RMND5A: variants seen among roughly 807,000 people sequenced by gnomAD.
The protein encoded by RMND5A is E3 ubiquitin-protein transferase RMND5A.
Under a neutral mutation model 49.7 loss-of-function variants are expected in RMND5A, and 17 were observed. The observed-to-expected ratio is 0.34, with a 90% CI of 0.23 to 0.51. The LOEUF is 0.51. RMND5A is among the 20% of genes least tolerant of loss of function. The pLI, the probability that RMND5A is intolerant of heterozygous loss-of-function variation, is 0.96. For missense variants in RMND5A, 255 were observed against 471.3 expected (o/e 0.54, Z 4.25); for synonymous variants, 156 against 167.7 (o/e 0.93, Z 0.54).
chr2:86,721,112 G>A (rs1424904700), intron 1 of RMND5A: 3 of 286,408 alleles, frequency 1.0e-5, no homozygotes, highest in Non-Finnish European at 2.0e-5. Context: ...GCAAACTGCC[G>A]ACCCCCGAGT....
intron 2 of RMND5A, among the ~76,000 whole-genome samples, chr2:86,746,471 A>G (rs1474331034): frequency 6.6e-6 from 1 of 152,176 alleles, no homozygotes. Flanking sequence ...TACATTATTT[A>G]CCTTTATCTT....
At chr2:86,744,119 C>T (rs552868589) in intron 2 of RMND5A, among the ~76,000 whole-genome samples, 2 of 152,260 alleles carry the variant, frequency 1.3e-5, no homozygotes, top group South Asian at 2.1e-4. Flanking sequence ...TACACACTCT[C>T]CCCGTATTTT....
chr2:86,737,591 A>G (rs1399277169), intron 1 of RMND5A, among the ~76,000 whole-genome samples: 2 of 118,580 alleles, frequency 1.7e-5, no homozygotes, highest in Admixed American at 8.4e-5. Flanking sequence ...ATATATATAT[A>G]TATGTCAGTG....
At position 86,770,144 on chromosome 2, in the gene RMND5A, T is replaced by C. The variant is rs1157149973; in HGVS notation, c.957+19T>C. ...ATTACCTGTGAGTTCCATTTTCTAT[T>C]GGCTATTTACTTTTACTGCCATTAG... On this transcript the variant is annotated intron_variant, in intron 7 of 8. Transcript: ENST00000283632. 2 of 1,526,904 alleles carry C rather than the reference T, an allele frequency of 1.3e-6. No homozygotes were observed. The highest frequency in any genetic ancestry group is 1.8e-6 in the Non-Finnish European group (2 of 1,100,484). The allele number at this position is 1,526,904 out of a possible 1,614,324, so 94.6% of individuals were successfully genotyped here. A position where few individuals can be genotyped will look rare whatever the true frequency, so the allele number is the denominator to read the frequency against.
rs570579562 is a variant in RMND5A at position 86,768,256 on chromosome 2, A to G, written c.855-1767A>G. On this transcript the variant is annotated intron_variant, in intron 6 of 8. Coordinates refer to ENST00000283632, the MANE Select transcript of RMND5A (RefSeq NM_022780.4). ...ACATTTTAAGAAACTGTTGTAAGAA[A>G]ATAACTCTTTTTTAGCTCTTCTATT... is the stretch of plus-strand genomic sequence containing the variant. 7.9e-5 allele frequency among the ~76,000 whole-genome samples: 12 copies of G among 152,376 alleles called. No homozygotes were observed. The South Asian group carries it at 2.3e-3, about 29-fold the overall frequency.
chr2:86,729,123 C>G (rs1446234401), intron 1 of RMND5A, among the ~76,000 whole-genome samples: 1 of 152,206 alleles, frequency 6.6e-6, no homozygotes, highest in African/African-American at 2.4e-5. Context: ...TGTTAAATAC[C>G]ACTCTGTGTC....
At chr2:86,768,297 A>G (rs532959168) in intron 6 of RMND5A, among the ~76,000 whole-genome samples, 1 of 152,198 alleles carries the variant, frequency 6.6e-6, no homozygotes, top group Non-Finnish European at 1.5e-5. Flanking sequence ...AATTCCACAA[A>G]TGTTTTGCAT....
At chr2:86,766,361 C>A (rs1332927497) in intron 6 of RMND5A, among the ~76,000 whole-genome samples, 1 of 152,148 alleles carries the variant, frequency 6.6e-6, no homozygotes, top group Non-Finnish European at 1.5e-5. Context: ...TTCCTCACCA[C>A]CACACACTTG....
rs1681181935 is a variant in RMND5A, at chr2:86,720,578, A to G, written c.-90A>G. 1.7e-6 allele frequency: 2 copies of G among 1,172,294 alleles called. No homozygotes were observed. The highest frequency in any genetic ancestry group is 2.2e-6 in the Non-Finnish European group (2 of 929,172). 72.6% of individuals were successfully genotyped at this position (1,172,294 alleles called of 1,614,324 possible). A position where few individuals can be genotyped will look rare whatever the true frequency, so the allele number is the denominator to read the frequency against. ...AGCCTCCCGCGCCGCCCGCTTGGGG[A>G]ACGAGGAGCAGGACGCGGCCTCGGT... On this transcript the variant is annotated 5_prime_UTR_variant, in exon 1 of 9. Transcript: ENST00000283632.
intron 2 of RMND5A, among the ~76,000 whole-genome samples, chr2:86,746,318 G>T (rs1013921291): frequency 6.6e-6 from 1 of 152,118 alleles, no homozygotes; most frequent in Non-Finnish European, 1.5e-5. Flanking sequence ...TTCTAATAAG[G>T]ATTCTTTTAA....
rs1306505243 is a variant in RMND5A, at chr2:86,720,536, GCCGCCTCGGC to G, written c.-130_-121del. On this transcript the variant is annotated 5_prime_UTR_variant, in exon 1 of 9. Transcript: ENST00000283632. ...CCCCGGCGCCGCGGCTAGTGCGCCC[GCCGCCTCGGC>G]CGCCTCAGCCTCCCGCGCCGCCCGC... 1.7e-6 allele frequency: 1 copy of G among 589,802 alleles called. No homozygotes were observed. The highest frequency in any genetic ancestry group is 2.3e-6 in the Non-Finnish European group (1 of 426,082). The allele number at this position is 589,802 out of a possible 1,614,324, so 36.5% of individuals were successfully genotyped here.
Position 86,773,923 on chromosome 2 carries a change from A to C in RMND5A, c.*512A>C, listed in dbSNP as rs138266967. Reference sequence around the variant, plus strand: ...TGCATTTTTATTTGCTTAAGAAAGAAAGCTGTGATAGATTCCAGATATGCT... The same window carrying C: ...TGCATTTTTATTTGCTTAAGAAAGACAGCTGTGATAGATTCCAGATATGCT... On this transcript the variant is annotated 3_prime_UTR_variant, in exon 9 of 9. Coordinates refer to ENST00000283632, the MANE Select transcript of RMND5A (RefSeq NM_022780.4). 7.2e-5 allele frequency: 11 copies of C among 152,818 alleles called. No homozygotes were observed. The highest frequency in any genetic ancestry group is 2.4e-4 in the African/African-American group (10 of 41,588). 9.5% of individuals were successfully genotyped at this position (152,818 alleles called of 1,614,324 possible).
At position 86,751,885 on chromosome 2, in the gene RMND5A, C is replaced by A. The variant is rs753101180; in HGVS notation, c.286-11C>A. ...TCTATTTATGATTCCCTTTCTCTTT[C>A]TTTTCCCCAGAATTTTGATTCTGAC... is the stretch of plus-strand genomic sequence containing the variant. On this transcript the variant is annotated splice_polypyrimidine_tract_variant and intron_variant, in intron 2 of 8. Transcript: ENST00000283632. 5 of 1,608,212 alleles carry A rather than the reference C, an allele frequency of 3.1e-6. No individual in the cohort carries two copies. The highest frequency in any genetic ancestry group is 4.2e-6 in the Non-Finnish European group (5 of 1,176,664).
rs898367787 is a variant in RMND5A, at chr2:86,776,496, C to G, written c.*3085C>G. 47 of 152,198 alleles carry G rather than the reference C, an allele frequency of 3.1e-4. No individual in the cohort carries two copies. The highest frequency in any genetic ancestry group is 1.1e-3 in the African/African-American group (47 of 41,452). 9.4% of individuals were successfully genotyped at this position (152,198 alleles called of 1,614,324 possible). ...TGTGGGAAATGAGGATCCTGATCCTCTTTTGTCCTCTCCAGGTAGTCTCGC... is the reference window on the plus strand; with the variant it reads ...TGTGGGAAATGAGGATCCTGATCCTGTTTTGTCCTCTCCAGGTAGTCTCGC... On this transcript the variant is annotated 3_prime_UTR_variant, in exon 9 of 9. Transcript: ENST00000283632.
intron 2 of RMND5A, among the ~76,000 whole-genome samples, chr2:86,747,219 G>A (rs1038497984): frequency 2.6e-5 from 4 of 152,174 alleles, no homozygotes; most frequent in African/African-American, 4.8e-5. Context: ...AATCAGATGG[G>A]TGTGAAGTAG....
intron 2 of RMND5A, among the ~76,000 whole-genome samples, chr2:86,747,772 C>T (rs996836778): frequency 6.6e-6 from 1 of 152,122 alleles, no homozygotes; most frequent in Non-Finnish European, 1.5e-5. Context: ...ACAGTGAAAG[C>T]CATTTCCGAC....
chr2:86,759,811 C>T (rs867027725), intron 4 of RMND5A, among the ~76,000 whole-genome samples: 4 of 151,464 alleles, frequency 2.6e-5, no homozygotes, highest in African/African-American at 7.3e-5. Flanking sequence ...AAAACAAAAA[C>T]GTGGGGAGGA....
chr2:86,756,211 G>A (rs1558723818), intron 4 of RMND5A, among the ~76,000 whole-genome samples: 1 of 151,962 alleles, frequency 6.6e-6, no homozygotes, highest in East Asian at 1.9e-4. Context: ...GGGCAACATA[G>A]CAAAACCCTA....
chr2:86,753,877 T>C (rs1481525724), intron 4 of RMND5A, among the ~76,000 whole-genome samples: 2 of 152,212 alleles, frequency 1.3e-5, no homozygotes, highest in Non-Finnish European at 2.9e-5. Context: ...CAGTGCAAGT[T>C]TGATATTTAA....
Sources: gnomAD v4.1 joint callset for allele counts (sites outside exome capture counted in the v4.1 genomes callset) on GRCh38, gnomAD v4.1.1 for gene constraint, MANE v1.5 for transcripts, NCBI Gene and HGNC (gene_info 2026-07-23, HGNC 2026-07-21) for gene names.